Variants in GABPB1 observed in about 807,000 individuals in gnomAD.
GABPB1 encodes GA-binding protein subunit beta-1.
Under a neutral mutation model 45.9 loss-of-function variants are expected in GABPB1, and 15 were observed. The ratio of observed to expected loss-of-function variants is 0.33; its 90% CI spans 0.22 to 0.50. The LOEUF (loss-of-function observed/expected upper bound fraction) is 0.50, where lower values mean the gene tolerates loss of function less well. GABPB1 is among the 20% of genes least tolerant of loss of function. GABPB1 has a pLI of 0.98. For synonymous variants in GABPB1, 143 were observed against 154.4 expected, an observed-to-expected ratio of 0.93 and a Z score of 0.55; for missense variants, 252 against 457.5, an observed-to-expected ratio of 0.55 and a Z score of 4.10.
intron 6 of GABPB1, among the ~76,000 whole-genome samples, chr15:50,294,560 G>GA (rs2046450220): frequency 6.6e-6 from 1 of 151,882 alleles, no homozygotes; most frequent in Non-Finnish European, 1.5e-5. Context: ...ATTCATTGAA[G>GA]AAAAAATAAA....
intron 1 of GABPB1, among the ~76,000 whole-genome samples, chr15:50,344,408 G>T (rs2048488942): frequency 6.6e-6 from 1 of 152,146 alleles, no homozygotes; most frequent in Admixed American, 6.5e-5. Flanking sequence ...CTCTCCTCAG[G>T]CTTATATGTT....
At chr15:50,286,910 T>A (rs978117683) in intron 7 of GABPB1, among the ~76,000 whole-genome samples, 8 of 152,178 alleles carry the variant, frequency 5.3e-5, no homozygotes, top group African/African-American at 1.9e-4. Flanking sequence ...ATTTTAATAA[T>A]CACAATGGGG....
chr15:50,333,211 A>G (rs140181768), intron 1 of GABPB1, among the ~76,000 whole-genome samples: 19 of 152,270 alleles, frequency 1.2e-4, no homozygotes, highest in African/African-American at 4.1e-4. Flanking sequence ...CACACCTACA[A>G]TCCCAGCAGT....
Position 50,281,593 on chromosome 15 carries a change from G to A in GABPB1, c.1000-2809C>T, listed in dbSNP as rs570609660. ...TAAACATCAATTTTCTAACTGCCCT[G>A]AGCCAAATATGACAAGTATGATTTT... On this transcript the variant is annotated intron_variant, in intron 8 of 8. Coordinates refer to ENST00000380877, the MANE Select transcript of GABPB1 (RefSeq NM_016654.5). 8.5e-5 allele frequency among the ~76,000 whole-genome samples: 13 copies of A among 152,302 alleles called. No individual in the cohort carries two copies. In the South Asian group the frequency reaches 1.7e-3, roughly 19 times the overall value.
At chr15:50,350,626 C>G (rs990632941) in intron 1 of GABPB1, 2 of 151,892 alleles carry the variant, frequency 1.3e-5, no homozygotes, top group Admixed American at 6.6e-5. Flanking sequence ...TAAACCTCGG[C>G]ATATTTAATA....
chr15:50,319,489 T>A (rs2047479242), intron 1 of GABPB1, among the ~76,000 whole-genome samples: 1 of 152,152 alleles, frequency 6.6e-6, no homozygotes, highest in Admixed American at 6.6e-5. Context: ...TATGTCCATG[T>A]ATAACCACTG....
intron 1 of GABPB1, among the ~76,000 whole-genome samples, chr15:50,311,561 C>G (rs1447255370): frequency 6.6e-6 from 1 of 152,118 alleles, no homozygotes; most frequent in Non-Finnish European, 1.5e-5. Flanking sequence ...CTCATTAGAG[C>G]ATTTCAGATT....
At chr15:50,329,034 T>G (rs2141119720) in intron 1 of GABPB1, among the ~76,000 whole-genome samples, 3 of 152,348 alleles carry the variant, frequency 2.0e-5, no homozygotes, top group Middle Eastern at 6.8e-3. Flanking sequence ...GTCCCAATTT[T>G]GGCCAAGGAG....
chr15:50,342,389 A>G (rs2048408088), intron 1 of GABPB1, among the ~76,000 whole-genome samples: 1 of 151,756 alleles, frequency 6.6e-6, no homozygotes, highest in Non-Finnish European at 1.5e-5. Flanking sequence ...TGTGTATTTT[A>G]GTATCTAGCA....
At chr15:50,303,924 G>A (rs117061984) in intron 3 of GABPB1, 42 bp downstream of exon 3, 52,669 of 1,470,528 alleles carry the variant, frequency 0.036, 1,222 homozygotes, top group Non-Finnish European at 0.04. Flanking sequence ...TTATAAAACC[G>A]TAAAGTATTT....
intron 2 of GABPB1, among the ~76,000 whole-genome samples, chr15:50,306,081 C>T (rs1018603307): frequency 6.6e-6 from 1 of 152,060 alleles, no homozygotes; most frequent in Admixed American, 6.6e-5. Flanking sequence ...CTCAAGCAAT[C>T]CTCCCATCTC....
chr15:50,340,972 GTTTATTA>G (rs2048352496), intron 1 of GABPB1, among the ~76,000 whole-genome samples: 1 of 133,528 alleles, frequency 7.5e-6, no homozygotes, highest in Non-Finnish European at 1.6e-5. Context: ...ATTACATATG[GTTTATTA>G]CCATATGTAA....
intron 5 of GABPB1, 130 bp downstream of exon 5, chr15:50,301,127 A>C: frequency 1.0e-5 from 13 of 1,304,522 alleles, no homozygotes; most frequent in Non-Finnish European, 1.4e-5. Flanking sequence ...GGCTGATAGA[A>C]TCTTACCCTC....
At chr15:50,310,174 C>A (rs2047082064) in intron 1 of GABPB1, among the ~76,000 whole-genome samples, 1 of 152,146 alleles carries the variant, frequency 6.6e-6, no homozygotes, top group Non-Finnish European at 1.5e-5. Context: ...CTCACTGCAA[C>A]CTCCGCCTCC....
chr15:50,349,274 A>C (rs1285750917), intron 1 of GABPB1: 1 of 152,198 alleles, frequency 6.6e-6, no homozygotes, highest in Non-Finnish European at 1.5e-5. Flanking sequence ...CATATAAAAA[A>C]AAAATTCCTA....
chr15:50,303,548 G>C (rs1259696867), intron 3 of GABPB1, among the ~76,000 whole-genome samples: 1 of 152,096 alleles, frequency 6.6e-6, no homozygotes, highest in African/African-American at 2.4e-5. Context: ...TGGGCATGGT[G>C]GTGGGCGCCT....
At chr15:50,344,834 G>A (rs1053007847) in intron 1 of GABPB1, among the ~76,000 whole-genome samples, 5 of 151,984 alleles carry the variant, frequency 3.3e-5, no homozygotes, top group African/African-American at 7.2e-5. Context: ...ATGAAACTCC[G>A]TCTCAAAAAA....
chr15:50,298,971 GAGAAAAGAAAAGAA>G (rs1451858949), intron 6 of GABPB1, among the ~76,000 whole-genome samples: 5 of 145,180 alleles, frequency 3.4e-5, no homozygotes, highest in African/African-American at 1.3e-4. Context: ...AAAAAAGAAA[GAGAAAAGAAAAGAA>G]AAAGAGAAAA....
chr15:50,314,046 AC>A (rs2047222613), intron 1 of GABPB1, among the ~76,000 whole-genome samples: 1 of 152,240 alleles, frequency 6.6e-6, no homozygotes, highest in Admixed American at 6.5e-5. Flanking sequence ...AAGCATTTGA[AC>A]AAATCGACTT....
Sources: allele counts gnomAD v4.1 joint callset (sites outside exome capture counted in the v4.1 genomes callset), GRCh38; gene constraint gnomAD v4.1.1; transcripts MANE v1.5; gene names NCBI Gene and HGNC (gene_info 2026-07-23, HGNC 2026-07-21).